Variants in MIA2 observed in about 807,000 individuals in gnomAD.
The protein encoded by MIA2 is melanoma inhibitory activity protein 2.
Under a neutral mutation model 167.8 loss-of-function variants are expected in MIA2, and 127 were observed. The observed-to-expected ratio is 0.76, with a 90% CI of 0.66 to 0.88. MIA2 has a LOEUF of 0.88. Among genes scored for constraint, MIA2 ranks in the 40% least tolerant of loss-of-function variants. The pLI, the probability that MIA2 is intolerant of heterozygous loss-of-function variation, is 0.00. For missense variants in MIA2, 1,690 were observed against 1,624.7 expected, an observed-to-expected ratio of 1.04 and a Z score of -0.69; for synonymous variants, 552 against 541.9, an observed-to-expected ratio of 1.02 and a Z score of -0.26.
chr14:39,336,857 C>T (rs893071335), intron 25 of MIA2, among the ~76,000 whole-genome samples: 3 of 152,136 alleles, frequency 2.0e-5, no homozygotes, highest in Non-Finnish European at 2.9e-5. Context: ...GCAATCCTCC[C>T]CTCTCAGCCT....
At chr14:39,304,418 A>G in intron 17 of MIA2, 37 bp downstream of exon 17, 2 of 1,097,690 alleles carry the variant, frequency 1.8e-6, no homozygotes, top group South Asian at 1.6e-5. Flanking sequence ...ATGTTTTTCT[A>G]AGTAAGTACA....
intron 6 of MIA2, chr14:39,269,139 C>A: frequency 7.8e-6 from 6 of 773,696 alleles, no homozygotes; most frequent in Non-Finnish European, 9.2e-6. Flanking sequence ...TAGGATGGCA[C>A]AACATTGTTC....
chr14:39,362,604 C>T (rs1023002031), intron 23 of MIA2, among the ~76,000 whole-genome samples: 2 of 151,896 alleles, frequency 1.3e-5, no homozygotes, highest in Non-Finnish European at 2.9e-5. Flanking sequence ...AGTAGTTTAT[C>T]CATTTTGCTT....
intron 6 of MIA2, among the ~76,000 whole-genome samples, chr14:39,257,336 G>T (rs996862692): frequency 2.0e-5 from 3 of 152,030 alleles, no homozygotes; most frequent in Non-Finnish European, 4.4e-5. Context: ...TTACCATTAT[G>T]TAATGCCCTT....
chr14:39,267,090 C>CTTGCGCGAAGAAGGGGAAGT (rs2055871359), intron 6 of MIA2: 1 of 1,106,214 alleles, frequency 9.0e-7, no homozygotes, highest in Non-Finnish European at 1.1e-6. Context: ...GTCTGCGAAG[C>CTTGCGCGAAGAAGGGGAAGT]TTGCGCGAAG....
intron 25 of MIA2, among the ~76,000 whole-genome samples, chr14:39,341,648 G>C (rs2071874847): frequency 6.6e-6 from 1 of 151,964 alleles, no homozygotes; most frequent in East Asian, 1.9e-4. Flanking sequence ...GTAGAGGAGA[G>C]GACTGTCAGA....
Position 39,248,033 on chromosome 14 carries a change from G to T in MIA2, c.1459G>T (p.Asp487Tyr). ...TELPFPKQIL[D>Y]QNNVIENEET... is the part of the protein sequence containing the mutation. ...ATTGCCATTTCCCAAACAGATACTG[G>T]ATCAAAATAATGTAATTGAAAATGA... is the stretch of plus-strand genomic sequence containing the variant. The change falls in exon 4 of 29, where the codon GAT (aspartate) becomes TAT (tyrosine). Residue 487 changes from aspartate to tyrosine, a missense_variant. Transcript: ENST00000640607. 6.4e-7 allele frequency: 1 copy of T among 1,572,448 alleles called. No individual in the cohort carries two copies.
chr14:39,276,869 A>G (rs938840923), intron 6 of MIA2, 65 bp from the exon 7 acceptor site: 18 of 1,560,680 alleles, frequency 1.2e-5, no homozygotes, highest in Non-Finnish European at 1.4e-5. Flanking sequence ...ACTTGTACCT[A>G]TGTTTGTAAT....
chr14:39,254,097 G>T (rs1295281321), intron 6 of MIA2, among the ~76,000 whole-genome samples: 1 of 152,178 alleles, frequency 6.6e-6, no homozygotes, highest in South Asian at 2.1e-4. Context: ...TAGATTGATT[G>T]GGAGTGTTAG....
downstream of MIA2, among the ~76,000 whole-genome samples, chr14:39,355,374 A>G (rs1417024017): frequency 6.6e-6 from 1 of 152,138 alleles, no homozygotes; most frequent in African/African-American, 2.4e-5. Context: ...GGTGTATAAG[A>G]ATGCTTGTGA....
chr14:39,247,081 T>C lies in MIA2; in HGVS notation c.507T>C (p.Tyr169=). 1 of 1,607,644 alleles carries C rather than the reference T, an allele frequency of 6.2e-7. No homozygotes were observed. Among genetic ancestry groups the C allele is most frequent in the Non-Finnish European group, 8.5e-7 (1 of 1,178,472 alleles). ...TAGAACCTGGATTTTATGCAACTTATGAAAGTACTTTGTTTGAAGACCAAG... is the reference window on the plus strand; with the variant it reads ...TAGAACCTGGATTTTATGCAACTTACGAAAGTACTTTGTTTGAAGACCAAG... ...FQIEPGFYAT[Y]ESTLFEDQVP... is the part of the protein sequence containing the mutation. Residue 169 remains tyrosine, a synonymous_variant, in exon 4 of 29, where the codon TAT becomes TAC. Transcript: ENST00000640607.
intron 23 of MIA2, among the ~76,000 whole-genome samples, chr14:39,369,059 T>C (rs75718423): frequency 9.6e-4 from 147 of 152,360 alleles, no homozygotes; most frequent in African/African-American, 3.4e-3. Context: ...GATGAACTAG[T>C]TAACTAGTAC....
intron 9 of MIA2, 131 bp downstream of exon 9, chr14:39,279,668 C>A: frequency 1.6e-6 from 1 of 619,052 alleles, no homozygotes; most frequent in Non-Finnish European, 2.8e-6. Context: ...CTTTGCTCTT[C>A]ATATTCAACA....
intron 17 of MIA2, among the ~76,000 whole-genome samples, chr14:39,304,749 A>G (rs1232898496): frequency 6.6e-6 from 1 of 152,194 alleles, no homozygotes; most frequent in Non-Finnish European, 1.5e-5. Context: ...CAATAGTGGT[A>G]CTATTTGCAG....
chr14:39,307,996 AG>A (rs1422467906), intron 17 of MIA2, among the ~76,000 whole-genome samples: 1 of 152,190 alleles, frequency 6.6e-6, no homozygotes, highest in Non-Finnish European at 1.5e-5. Flanking sequence ...AATTATAACT[AG>A]ATAGGTGGAA....
intron 11 of MIA2, 27 bp from the exon 12 acceptor site, chr14:39,293,973 A>G (rs1165998185): frequency 1.9e-6 from 3 of 1,575,208 alleles, no homozygotes; most frequent in Admixed American, 1.7e-5. Context: ...TTTAGTAAAT[A>G]TTAATTGCCT....
At chr14:39,364,760 A>G (rs1286062489) in intron 23 of MIA2, among the ~76,000 whole-genome samples, 1 of 150,920 alleles carries the variant, frequency 6.6e-6, no homozygotes, top group Non-Finnish European at 1.5e-5. Context: ...TTTTTTTAGC[A>G]CTGCAATATA....
downstream of MIA2, among the ~76,000 whole-genome samples, chr14:39,354,474 G>A (rs1286511192): frequency 6.6e-6 from 1 of 152,188 alleles, no homozygotes; most frequent in African/African-American, 2.4e-5. Flanking sequence ...CTTGTCAGAT[G>A]AGTAGATTGC....
chr14:39,240,645 A>T lies in MIA2; in HGVS notation c.334A>T (p.Lys112Ter). 1 of 1,604,530 alleles carries T rather than the reference A, an allele frequency of 6.2e-7. No homozygotes were observed. The highest frequency in any genetic ancestry group is 1.1e-5 in the South Asian group (1 of 90,442). Residue 112 changes from lysine (K) to a stop codon, truncating the protein, a stop_gained and splice_region_variant, in exon 3 of 29, where the codon AAA becomes TAA. Transcript: ENST00000640607. LOFTEE classifies it high-confidence loss of function. ...FISEEIQMST[K>*]ESDFLCLLGV... ...ATCTGAGGAAATTCAGATGTCAACGAAAGTGAGTAAACTCATTCTCAGTTG... is the reference window on the plus strand; with the variant it reads ...ATCTGAGGAAATTCAGATGTCAACGTAAGTGAGTAAACTCATTCTCAGTTG...
Sources: gnomAD v4.1 joint callset for allele counts (sites outside exome capture counted in the v4.1 genomes callset) on GRCh38, gnomAD v4.1.1 for gene constraint, MANE v1.5 for transcripts, NCBI Gene and HGNC (gene_info 2026-07-23, HGNC 2026-07-21) for gene names.